PCDHGA3: variants seen among roughly 807,000 people sequenced by gnomAD.
The protein encoded by PCDHGA3 is protocadherin gamma-A3.
PCDHGA3 carries 40 observed loss-of-function variants against 58.5 expected under a neutral mutation model. The ratio of observed to expected loss-of-function variants is 0.68; its 90% CI spans 0.53 to 0.89. PCDHGA3 has a LOEUF of 0.89. Ranked by LOEUF, PCDHGA3 falls within the 40% of genes least tolerant of loss-of-function variation. The pLI, the probability that PCDHGA3 is intolerant of heterozygous loss-of-function variation, is 0.00. For missense variants in PCDHGA3, 1,223 were observed against 1,195.9 expected (o/e 1.02, Z -0.33); for synonymous variants, 530 against 525.7 (o/e 1.01, Z -0.11).
chr5:141,392,896 G>A, intron 1 of PCDHGA3: 1 of 1,613,812 alleles, frequency 6.2e-7, no homozygotes, highest in Non-Finnish European at 8.5e-7. Flanking sequence ...GAAATCGGGA[G>A]GGGACAGATT....
At position 141,476,639 on chromosome 5, in the gene PCDHGA3, A is replaced by G; in HGVS notation, c.2425-18168A>G. 1.2e-6 allele frequency: 2 copies of G among 1,614,206 alleles called. No individual in the cohort carries two copies. Among genetic ancestry groups the G allele is most frequent in the Non-Finnish European group, 1.7e-6 (2 of 1,180,038 alleles). On this transcript the variant is annotated intron_variant, in intron 1 of 3. Transcript: ENST00000253812. The surrounding 1 kb of genome is among the most constrained non-coding windows in gnomAD (Gnocchi z 7.6). ...CAACTCTTTACAAACCTATGAGCTG[A>G]GCCGAAATGAATACTTTGCGCTTCG...
At chr5:141,502,191 A>G (rs2099813218) in intron 2 of PCDHGA3, among the ~76,000 whole-genome samples, 1 of 152,170 alleles carries the variant, frequency 6.6e-6, no homozygotes, top group Non-Finnish European at 1.5e-5. Flanking sequence ...TAATACAATA[A>G]TATAGAATCC....
Position 141,487,315 on chromosome 5 carries a change from G to T in PCDHGA3, c.2425-7492G>T, listed in dbSNP as rs568326280. 11 of 1,614,166 alleles carry T rather than the reference G, an allele frequency of 6.8e-6. No individual in the cohort carries two copies. In the South Asian group the frequency reaches 1.2e-4, roughly 18 times the overall value. ...GCTCATTCGTGGCACTACTCTCTAA[G>T]TGTCTTCGTGGGGCAGCCTGTGGAG... On this transcript the variant is annotated intron_variant, in intron 1 of 3. Transcript: ENST00000253812. The surrounding 1 kb of genome is among the most constrained non-coding windows in gnomAD (Gnocchi z 5.0).
intron 1 of PCDHGA3, chr5:141,374,073 A>G (rs1201568464): frequency 2.6e-6 from 4 of 1,510,034 alleles, no homozygotes; most frequent in Non-Finnish European, 2.7e-6. Context: ...GAAGTTCCTA[A>G]TAAGCCAGTA....
intron 1 of PCDHGA3, among the ~76,000 whole-genome samples, chr5:141,492,685 C>T (rs919981996): frequency 1.3e-5 from 2 of 152,242 alleles, no homozygotes; most frequent in African/African-American, 2.4e-5. Context: ...CAAGGGTCGG[C>T]GACCCCTCAA....
At chr5:141,484,943 C>T (rs542244720) in intron 1 of PCDHGA3, 14 of 546,098 alleles carry the variant, frequency 2.6e-5, no homozygotes, top group African/African-American at 2.3e-4. Flanking sequence ...GTTCTCTGCT[C>T]AGCCTATTGG....
chr5:141,357,385 G>A, intron 1 of PCDHGA3: 1 of 1,614,228 alleles, frequency 6.2e-7, no homozygotes. Context: ...TCACGCTGAA[G>A]GCAGCAGGTT....
intron 1 of PCDHGA3, chr5:141,394,449 A>G (rs773696678): frequency 2.5e-6 from 4 of 1,614,112 alleles, no homozygotes; most frequent in Admixed American, 1.7e-5. Context: ...CAGCAGCAAC[A>G]TGTCACTGAG....
intron 1 of PCDHGA3, chr5:141,388,880 G>T: frequency 1.2e-6 from 2 of 1,613,982 alleles, no homozygotes; most frequent in Non-Finnish European, 1.7e-6. Flanking sequence ...GCACAGTGGA[G>T]GTAGAAGTCA....
chr5:141,464,680 A>T (rs747974832), intron 1 of PCDHGA3, among the ~76,000 whole-genome samples: 1 of 152,144 alleles, frequency 6.6e-6, no homozygotes, highest in African/African-American at 2.4e-5. Context: ...TTTTAATTAA[A>T]ATTTCTCTTA....
In PCDHGA3 at chr5:141,356,852, T is replaced by A. The variant is rs1291274340; in HGVS notation, c.2424+10395T>A. ...AGCAGCAATGTGTCACTGAGCCTCT[T>A]TGTGCTGGACCAGAACGACAATGTC... On this transcript the variant is annotated intron_variant, in intron 1 of 3. Transcript: ENST00000253812. 1.9e-6 allele frequency: 3 copies of A among 1,614,178 alleles called. No individual in the cohort carries two copies. The South Asian group carries it at 3.3e-5, about 18-fold the overall frequency.
chr5:141,410,311 C>T lies in PCDHGA3; in HGVS notation c.2424+63854C>T, dbSNP rs867067555. On this transcript the variant is annotated intron_variant, in intron 1 of 3. Coordinates refer to ENST00000253812, the MANE Select transcript of PCDHGA3 (RefSeq NM_018916.4). ...CCTTGGCCTTAATCTCAGTGCTCTT[C>T]CTCCTCGCCGTGATTCTGGCCATTG... 4 of 1,613,936 alleles carry T rather than the reference C, an allele frequency of 2.5e-6. No homozygotes were observed. In the African/African-American group the frequency reaches 5.3e-5, roughly 22 times the overall value.
chr5:141,414,377 C>T (rs2095740461), intron 1 of PCDHGA3: 1 of 1,613,760 alleles, frequency 6.2e-7, no homozygotes, highest in South Asian at 1.1e-5. Context: ...TTAGAAAAGT[C>T]CATTGACAGT....
At chr5:141,403,749 C>A in intron 1 of PCDHGA3, 1 of 1,613,652 alleles carries the variant, frequency 6.2e-7, no homozygotes, top group African/African-American at 1.3e-5. Context: ...ACTGCAACAG[C>A]CAGCGACCTG....
chr5:141,388,522 C>G, intron 1 of PCDHGA3: 1 of 1,613,868 alleles, frequency 6.2e-7, no homozygotes, highest in East Asian at 2.2e-5. Flanking sequence ...TTGACTTTGA[C>G]TGCCTTGGAC....
chr5:141,420,287 A>C, intron 1 of PCDHGA3: 1 of 1,498,884 alleles, frequency 6.7e-7, no homozygotes, highest in African/African-American at 1.4e-5. Context: ...AAGTATTTAA[A>C]AATGTATTTA....
intron 1 of PCDHGA3, among the ~76,000 whole-genome samples, chr5:141,387,483 C>G (rs771352001): frequency 6.6e-6 from 1 of 152,204 alleles, no homozygotes; most frequent in Non-Finnish European, 1.5e-5. Flanking sequence ...GGGATGAAGG[C>G]ATTCCTAAGA....
Position 141,489,902 on chromosome 5 carries a change from C to A in PCDHGA3, c.2425-4905C>A. ...ACTGCTGTGGATGGGGGGACCCCAGCCCGCTCAGGGACCACCCTTATCTCT... is the reference window on the plus strand; with the variant it reads ...ACTGCTGTGGATGGGGGGACCCCAGACCGCTCAGGGACCACCCTTATCTCT... On this transcript the variant is annotated intron_variant, in intron 1 of 3. Transcript: ENST00000253812. The surrounding 1 kb of genome is among the most constrained non-coding windows in gnomAD (Gnocchi z 4.5). 1 of 1,614,218 alleles carries A rather than the reference C, an allele frequency of 6.2e-7. No individual in the cohort carries two copies. The highest frequency in any genetic ancestry group is 8.5e-7 in the Non-Finnish European group (1 of 1,180,032).
chr5:141,490,412 C>T lies in PCDHGA3; in HGVS notation c.2425-4395C>T, dbSNP rs2233605. 10 of 1,614,062 alleles carry T rather than the reference C, an allele frequency of 6.2e-6. No homozygotes were observed. The highest frequency in any genetic ancestry group is 4.0e-5 in the African/African-American group (3 of 74,910). Reference sequence around the variant, plus strand: ...GGTGAAGTGAGCCTTGATATCTCTCCGGACCTGCCATTTCAGATTAAGCCT... The same window carrying T: ...GGTGAAGTGAGCCTTGATATCTCTCTGGACCTGCCATTTCAGATTAAGCCT... On this transcript the variant is annotated intron_variant, in intron 1 of 3. Transcript: ENST00000253812. This position sits in a 1 kb window ranked among gnomAD's most constrained non-coding sequence, Gnocchi z 5.4.
Sources: allele counts gnomAD v4.1 joint callset (sites outside exome capture counted in the v4.1 genomes callset), GRCh38; gene constraint gnomAD v4.1.1; non-coding constraint Gnocchi (gnomAD v3.1); transcripts MANE v1.5; gene names NCBI Gene and HGNC (gene_info 2026-07-23, HGNC 2026-07-21).